ATAD2B: variants seen among roughly 807,000 people sequenced by gnomAD.
The protein encoded by ATAD2B is ATPase family AAA domain-containing protein 2B.
A neutral mutation model predicts 167.6 loss-of-function variants in ATAD2B; 40 were observed. That is an observed-to-expected ratio of 0.24 (90% CI 0.19 to 0.31). The LOEUF (loss-of-function observed/expected upper bound fraction) is 0.31. ATAD2B is among the 10% of genes least tolerant of loss of function. The pLI is 1.00. For synonymous variants in ATAD2B, 579 were observed against 596.5 expected (o/e 0.97, Z 0.43); for missense variants, 1,242 against 1,757.2 (o/e 0.71, Z 5.24).
chr2:23,843,999 C>T (rs934669336), intron 13 of ATAD2B, among the ~76,000 whole-genome samples: 1 of 152,082 alleles, frequency 6.6e-6, no homozygotes, highest in Non-Finnish European at 1.5e-5. Flanking sequence ...AGTGCAGTGG[C>T]GTCATCTCAG....
chr2:23,681,011 A>G, the ATAD2B span, among the ~76,000 whole-genome samples: 2 of 152,184 alleles, frequency 1.3e-5, no homozygotes, highest in East Asian at 1.9e-4. The surrounding 1 kb of genome is among the most constrained non-coding windows in gnomAD (Gnocchi z 4.2). Context: ...CTTCTCAGAG[A>G]TCAGGGAGTG....
chr2:23,706,367 A>T, the ATAD2B span: 6 of 744,250 alleles, frequency 8.1e-6, no homozygotes, highest in African/African-American at 1.1e-4. Context: ...AAGATCCCAG[A>T]TGCCTTCTGC....
At chr2:23,781,333 A>T (rs868086197) in intron 22 of ATAD2B, among the ~76,000 whole-genome samples, 65 of 144,474 alleles carry the variant, frequency 4.5e-4, no homozygotes, top group African/African-American at 1.2e-3. Flanking sequence ...TGACCACAAA[A>T]AAATAAATAA....
chr2:23,919,729 G>A (rs1427527456), intron 1 of ATAD2B, among the ~76,000 whole-genome samples: 1 of 151,834 alleles, frequency 6.6e-6, no homozygotes, highest in Non-Finnish European at 1.5e-5. Flanking sequence ...TGTAATCCCA[G>A]CTGCTCAGGA....
chr2:23,704,532 C>A, the ATAD2B span, among the ~76,000 whole-genome samples: 1 of 152,030 alleles, frequency 6.6e-6, no homozygotes, highest in Non-Finnish European at 1.5e-5. Flanking sequence ...TTTGGGAGGC[C>A]GAGGCGGATG....
intron 22 of ATAD2B, among the ~76,000 whole-genome samples, chr2:23,775,224 T>G (rs1161557261): frequency 1.5e-5 from 2 of 136,072 alleles, no homozygotes; most frequent in African/African-American, 2.5e-5. Flanking sequence ...TATGTTTTAT[T>G]TTTTTTTTTG....
intron 27 of ATAD2B, among the ~76,000 whole-genome samples, chr2:23,753,087 T>C (rs376898432): frequency 1.1e-4 from 16 of 152,302 alleles, no homozygotes; most frequent in African/African-American, 3.8e-4. Context: ...CTAAGACACT[T>C]GCATTTTTTC....
At chr2:23,805,808 A>AAAAAAAAAAAAC (rs1684297743) in intron 18 of ATAD2B, among the ~76,000 whole-genome samples, 1 of 150,758 alleles carries the variant, frequency 6.6e-6, no homozygotes, top group African/African-American at 2.4e-5. Flanking sequence ...AAAAAAAAAA[A>AAAAAAAAAAAAC]CAAATCTGAT....
chr2:23,793,625 G>T (rs981781421), intron 19 of ATAD2B, among the ~76,000 whole-genome samples: 3 of 152,216 alleles, frequency 2.0e-5, no homozygotes, highest in African/African-American at 7.2e-5. Flanking sequence ...AAAGAATTAT[G>T]CAGAAAGCGA....
chr2:23,809,397 C>T (rs1473951262), intron 18 of ATAD2B, among the ~76,000 whole-genome samples: 1 of 152,014 alleles, frequency 6.6e-6, no homozygotes, highest in African/African-American at 2.4e-5. Flanking sequence ...ATCAATACTA[C>T]TATGAACTGT....
intron 19 of ATAD2B, among the ~76,000 whole-genome samples, chr2:23,793,170 T>C (rs2149439305): frequency 6.6e-6 from 1 of 152,134 alleles, no homozygotes; most frequent in Admixed American, 6.5e-5. Context: ...ACCATAAACC[T>C]AGAGAGACAA....
the ATAD2B span, among the ~76,000 whole-genome samples, chr2:23,739,641 C>G: frequency 1.3e-5 from 2 of 152,076 alleles, no homozygotes; most frequent in African/African-American, 4.8e-5. Context: ...ATTAAAAGAA[C>G]TAGAAAAGCG....
chr2:23,858,471 C>T (rs1324788691), intron 12 of ATAD2B, among the ~76,000 whole-genome samples: 6 of 148,780 alleles, frequency 4.0e-5, no homozygotes, highest in Non-Finnish European at 1.5e-5. Flanking sequence ...TTTCCGTATA[C>T]TTAAGACCTG....
chr2:23,809,409 T>TA (rs1209036739), intron 18 of ATAD2B, among the ~76,000 whole-genome samples: 2 of 152,138 alleles, frequency 1.3e-5, no homozygotes, highest in Non-Finnish European at 2.9e-5. Flanking sequence ...ATGAACTGTT[T>TA]AAAAAATGCA....
intron 22 of ATAD2B, among the ~76,000 whole-genome samples, chr2:23,781,333 A>AAAAAT (rs113935067): frequency 6.9e-6 from 1 of 144,474 alleles, no homozygotes; most frequent in Admixed American, 6.9e-5. Context: ...TGACCACAAA[A>AAAAAT]AAATAAATAA....
chr2:23,680,106 T>C, the ATAD2B span, among the ~76,000 whole-genome samples: 1 of 152,088 alleles, frequency 6.6e-6, no homozygotes, highest in African/African-American at 2.4e-5. The surrounding 1 kb of genome is among the most constrained non-coding windows in gnomAD (Gnocchi z 4.1). Context: ...GGGGACAGGC[T>C]GGAAACAGGG....
intron 20 of ATAD2B, among the ~76,000 whole-genome samples, chr2:23,788,039 G>T (rs112525997): frequency 2.0e-5 from 3 of 152,070 alleles, no homozygotes; most frequent in African/African-American, 7.2e-5. Flanking sequence ...AACGTTAAAT[G>T]TAAGGGGTCC....
chr2:23,820,912 G>A (rs1467198387), intron 16 of ATAD2B, among the ~76,000 whole-genome samples: 1 of 152,076 alleles, frequency 6.6e-6, no homozygotes, highest in Non-Finnish European at 1.5e-5. Context: ...TTGCGCCACT[G>A]CACTCCAGCC....
intron 8 of ATAD2B, among the ~76,000 whole-genome samples, chr2:23,873,492 CCA>C (rs1156362953): frequency 1.3e-5 from 2 of 152,162 alleles, no homozygotes; most frequent in Non-Finnish European, 2.9e-5. Flanking sequence ...ACACATCCTC[CCA>C]CACACTTTTT....
Sources: allele counts gnomAD v4.1 joint callset (sites outside exome capture counted in the v4.1 genomes callset), GRCh38; gene constraint gnomAD v4.1.1; non-coding constraint Gnocchi (gnomAD v3.1); transcripts MANE v1.5; gene names NCBI Gene and HGNC (gene_info 2026-07-23, HGNC 2026-07-21).